The following CLSTN2 variants were observed in gnomAD, a reference collection of about 807,000 sequenced individuals.
CLSTN2 encodes the protein calsyntenin 2.
Under a neutral mutation model 101.2 loss-of-function variants are expected in CLSTN2, and 48 were observed. The ratio of observed to expected loss-of-function variants is 0.47; its 90% CI spans 0.38 to 0.60. The LOEUF (loss-of-function observed/expected upper bound fraction) is 0.60, where lower values mean the gene tolerates loss of function less well. Ranked by LOEUF, CLSTN2 falls within the 20% of genes least tolerant of loss-of-function variation. The pLI, the probability that CLSTN2 is intolerant of heterozygous loss-of-function variation, is 0.00. For missense variants in CLSTN2, 1,160 were observed against 1,238.2 expected (o/e 0.94, Z 0.95); for synonymous variants, 481 against 463.6 (o/e 1.04, Z -0.48).
At chr3:140,239,529 A>G (rs887833926) in intron 2 of CLSTN2, among the ~76,000 whole-genome samples, 2 of 152,364 alleles carry the variant, frequency 1.3e-5, no homozygotes, top group South Asian at 4.1e-4. Flanking sequence ...ACAATATTAA[A>G]TGGTTGAAAT....
chr3:140,001,651 A>G (rs1270656834), intron 1 of CLSTN2, among the ~76,000 whole-genome samples: 2 of 152,046 alleles, frequency 1.3e-5, no homozygotes, highest in African/African-American at 4.8e-5. Flanking sequence ...GCTATTTTTA[A>G]ATGTACAATT....
chr3:140,397,501 A>G (rs2088195792), intron 2 of CLSTN2, among the ~76,000 whole-genome samples: 2 of 152,212 alleles, frequency 1.3e-5, no homozygotes, highest in Non-Finnish European at 2.9e-5. Context: ...GGTGTCTTAT[A>G]AAGAACAACA....
intron 2 of CLSTN2, among the ~76,000 whole-genome samples, chr3:140,248,827 A>T (rs2086538672): frequency 6.6e-6 from 1 of 152,160 alleles, no homozygotes; most frequent in Non-Finnish European, 1.5e-5. Context: ...ACAGATTTTC[A>T]AGTCAGGTTT....
At chr3:140,476,118 C>T (rs1399826502) in intron 8 of CLSTN2, among the ~76,000 whole-genome samples, 1 of 152,102 alleles carries the variant, frequency 6.6e-6, no homozygotes, top group African/African-American at 2.4e-5. Flanking sequence ...TGGCTTGGAA[C>T]CCAAATGTTT....
intron 8 of CLSTN2, among the ~76,000 whole-genome samples, chr3:140,486,871 G>T (rs1934251402): frequency 6.6e-6 from 1 of 152,184 alleles, no homozygotes; most frequent in Non-Finnish European, 1.5e-5. Context: ...CATGAAACAG[G>T]ATTCTCGAAA....
At chr3:140,462,233 CT>C (rs1933581626) in intron 7 of CLSTN2, among the ~76,000 whole-genome samples, 1 of 152,070 alleles carries the variant, frequency 6.6e-6, no homozygotes, top group Non-Finnish European at 1.5e-5. Flanking sequence ...ATAACATTAT[CT>C]CCACATCATT....
chr3:140,484,918 G>C (rs1934205410), intron 8 of CLSTN2, among the ~76,000 whole-genome samples: 1 of 151,972 alleles, frequency 6.6e-6, no homozygotes, highest in Admixed American at 6.6e-5. Context: ...TCCTCCTTTA[G>C]CTCAGAGTAG....
intron 1 of CLSTN2, among the ~76,000 whole-genome samples, chr3:140,080,395 T>C (rs1437630505): frequency 6.6e-6 from 1 of 152,216 alleles, no homozygotes; most frequent in African/African-American, 2.4e-5. Context: ...AGTAGGTGCC[T>C]GGGAAAGGTT....
At chr3:140,345,340 C>A (rs930630006) in intron 2 of CLSTN2, among the ~76,000 whole-genome samples, 2 of 151,580 alleles carry the variant, frequency 1.3e-5, no homozygotes, top group African/African-American at 4.9e-5. Context: ...CCTATGCCTC[C>A]CCGGTTCAAG....
chr3:140,002,292 T>C (rs570821348), intron 1 of CLSTN2, among the ~76,000 whole-genome samples: 29 of 152,360 alleles, frequency 1.9e-4, no homozygotes, highest in African/African-American at 6.7e-4. Flanking sequence ...TAGTTTTGAT[T>C]TGCATTTCTC....
chr3:140,407,226 G>C (rs1291676958), intron 4 of CLSTN2, among the ~76,000 whole-genome samples: 1 of 152,126 alleles, frequency 6.6e-6, no homozygotes, highest in South Asian at 2.1e-4. Flanking sequence ...GAAGTACTTT[G>C]CATGCTCATA....
At chr3:140,229,439 C>T (rs1274310964) in intron 2 of CLSTN2, among the ~76,000 whole-genome samples, 1 of 152,058 alleles carries the variant, frequency 6.6e-6, no homozygotes, top group African/African-American at 2.4e-5. Flanking sequence ...TGAGACGCCA[C>T]ATTCCCACAT....
chr3:140,415,504 AAAAAAAC>A (rs1186166482), intron 4 of CLSTN2, among the ~76,000 whole-genome samples: 85 of 151,022 alleles, frequency 5.6e-4, no homozygotes, highest in African/African-American at 1.8e-3. Context: ...AAAAAAAAAA[AAAAAAAC>A]AAACTGATTT....
chr3:140,512,652 T>A (rs1488894754), intron 8 of CLSTN2, among the ~76,000 whole-genome samples: 1 of 152,164 alleles, frequency 6.6e-6, no homozygotes, highest in African/African-American at 2.4e-5. Flanking sequence ...TCGTGAAGAA[T>A]GTCAATGGTA....
chr3:140,358,121 G>T (rs1385456998), intron 2 of CLSTN2, among the ~76,000 whole-genome samples: 1 of 152,096 alleles, frequency 6.6e-6, no homozygotes, highest in Non-Finnish European at 1.5e-5. Flanking sequence ...GTGTTAGAAG[G>T]TGGCCAACCA....
rs145342550 is a variant in CLSTN2, at chr3:140,378,218, C to T, written c.233-25411C>T. ...AATGACAATTTTCTTCAAATGTATC[C>T]CTATCGTTAAGTGACACTTGACTCT... On this transcript the variant is annotated intron_variant, in intron 2 of 16. Transcript: ENST00000458420. Among the ~76,000 whole-genome samples, 281 of 152,198 alleles carry T rather than the reference C, an allele frequency of 1.8e-3. 1 individual carries two copies. The highest frequency in any genetic ancestry group is 6.6e-3 in the African/African-American group (273 of 41,514).
intron 2 of CLSTN2, among the ~76,000 whole-genome samples, chr3:140,310,648 G>T (rs2087158989): frequency 6.6e-6 from 1 of 152,036 alleles, no homozygotes; most frequent in Non-Finnish European, 1.5e-5. Flanking sequence ...CTAAGCTAGG[G>T]TCATCTATCC....
At chr3:140,403,246 T>G (rs1281299313) in intron 2 of CLSTN2, among the ~76,000 whole-genome samples, 5 of 152,092 alleles carry the variant, frequency 3.3e-5, no homozygotes, top group Non-Finnish European at 1.5e-5. Context: ...AAACTGCAAC[T>G]TGGAAGGGGA....
chr3:140,282,910 C>T (rs2086861688), intron 2 of CLSTN2, among the ~76,000 whole-genome samples: 1 of 152,172 alleles, frequency 6.6e-6, no homozygotes, highest in African/African-American at 2.4e-5. Context: ...ACTTTTCCAT[C>T]GCAAAAGATC....
Sources: allele counts gnomAD v4.1 joint callset (sites outside exome capture counted in the v4.1 genomes callset), GRCh38; gene constraint gnomAD v4.1.1; transcripts MANE v1.5; gene names NCBI Gene and HGNC (gene_info 2026-07-23, HGNC 2026-07-21).